Variants in DEPTOR observed in about 807,000 individuals in gnomAD.
The protein encoded by DEPTOR is DEP domain-containing mTOR-interacting protein.
A neutral mutation model predicts 41.6 loss-of-function variants in DEPTOR; 41 were observed. The observed-to-expected ratio is 0.98, with a 90% CI of 0.77 to 1.28. The LOEUF is 1.28. DEPTOR is among the 50% of genes most tolerant of loss of function. DEPTOR has a pLI of 0.00. For missense variants in DEPTOR, 514 were observed against 527.9 expected, an observed-to-expected ratio of 0.97 and a Z score of 0.26; for synonymous variants, 195 against 192.3, an observed-to-expected ratio of 1.01 and a Z score of -0.12.
At chr8:119,906,057 T>C (rs1827659382) in intron 1 of DEPTOR, among the ~76,000 whole-genome samples, 2 of 152,194 alleles carry the variant, frequency 1.3e-5, no homozygotes, top group South Asian at 4.1e-4. Flanking sequence ...CCTCCCAAAA[T>C]GCTGGGATTA....
chr8:119,977,315 T>G (rs1241318483), intron 4 of DEPTOR, among the ~76,000 whole-genome samples: 1 of 152,202 alleles, frequency 6.6e-6, no homozygotes, highest in Admixed American at 6.5e-5. Flanking sequence ...GTCTCTGTTT[T>G]TTTTAGATGA....
chr8:119,964,493 C>G (rs1480679045), intron 3 of DEPTOR, among the ~76,000 whole-genome samples: 1 of 119,180 alleles, frequency 8.4e-6, no homozygotes, highest in East Asian at 2.6e-4. Context: ...CCAGCCTGGG[C>G]AACAAGAGTG....
chr8:120,037,648 G>T (rs1195740886), intron 8 of DEPTOR, among the ~76,000 whole-genome samples: 1 of 152,144 alleles, frequency 6.6e-6, no homozygotes, highest in African/African-American at 2.4e-5. Context: ...ACGTCCTAAT[G>T]TCACTCTAGC....
intron 3 of DEPTOR, among the ~76,000 whole-genome samples, chr8:119,962,255 TCAAA>T (rs970968193): frequency 1.3e-4 from 20 of 152,066 alleles, no homozygotes; most frequent in Middle Eastern, 3.4e-3. Context: ...AGACTCTGTC[TCAAA>T]CAAAACAAAA....
At chr8:120,039,897 T>G (rs1201255407) in intron 8 of DEPTOR, among the ~76,000 whole-genome samples, 1 of 152,168 alleles carries the variant, frequency 6.6e-6, no homozygotes, top group African/African-American at 2.4e-5. Flanking sequence ...CAGGCTGGAG[T>G]GCAATGGCAC....
intron 3 of DEPTOR, among the ~76,000 whole-genome samples, chr8:119,937,492 T>C (rs1828128674): frequency 6.6e-6 from 1 of 152,214 alleles, no homozygotes. Context: ...AGAATGAATG[T>C]TCCCGGCCTT....
intron 4 of DEPTOR, among the ~76,000 whole-genome samples, chr8:119,985,034 G>T (rs1331429224): frequency 1.3e-5 from 2 of 151,932 alleles, no homozygotes; most frequent in East Asian, 1.9e-4. Flanking sequence ...TTAGCTGGGT[G>T]TAGTGGCAGG....
intron 1 of DEPTOR, among the ~76,000 whole-genome samples, chr8:119,911,906 A>C (rs565371279): frequency 6.6e-6 from 1 of 152,194 alleles, no homozygotes; most frequent in Non-Finnish European, 1.5e-5. Flanking sequence ...CCAAACCTTT[A>C]TACTCACGAA....
chr8:120,002,791 A>AAAAATATAT, intron 5 of DEPTOR, among the ~76,000 whole-genome samples, 186 bp from the exon 6 acceptor site: 6 of 60,670 alleles, frequency 9.9e-5, no homozygotes, highest in African/African-American at 3.8e-4. Flanking sequence ...AAAAAAAAAA[A>AAAAATATAT]ATATATATAT....
chr8:119,980,453 TTTTTCTTTTC>T (rs57896097), intron 4 of DEPTOR, among the ~76,000 whole-genome samples: 18,401 of 110,714 alleles, frequency 0.17, 1,798 homozygotes, highest in Middle Eastern at 0.23. Context: ...TCATTTTTCT[TTTTTCTTTTC>T]TTTTCTTTTC....
At chr8:119,918,371 G>A (rs1045327224) in intron 1 of DEPTOR, among the ~76,000 whole-genome samples, 1 of 152,140 alleles carries the variant, frequency 6.6e-6, no homozygotes, top group African/African-American at 2.4e-5. Context: ...CTCTGTATAG[G>A]AGTTAGGACT....
At chr8:119,909,719 T>G (rs1393185058) in intron 1 of DEPTOR, among the ~76,000 whole-genome samples, 1 of 152,276 alleles carries the variant, frequency 6.6e-6, no homozygotes, top group East Asian at 1.9e-4. Context: ...ACTTACAAAC[T>G]ATTCATAACC....
intron 8 of DEPTOR, among the ~76,000 whole-genome samples, chr8:120,015,862 C>T (rs1021280628): frequency 5.3e-5 from 8 of 152,094 alleles, no homozygotes; most frequent in Admixed American, 3.3e-4. Context: ...GCTTGCCCTC[C>T]CACCCTAGCC....
At chr8:120,001,460 G>A in intron 4 of DEPTOR, 65 bp from the exon 5 acceptor site, 1 of 1,438,866 alleles carries the variant, frequency 6.9e-7, no homozygotes, top group Admixed American at 2.1e-5. Context: ...CAGTCCTTTG[G>A]CTGTAGCGCT....
intron 3 of DEPTOR, among the ~76,000 whole-genome samples, chr8:119,959,321 C>T (rs1243640136): frequency 6.6e-6 from 1 of 151,802 alleles, no homozygotes; most frequent in East Asian, 1.9e-4. Flanking sequence ...CACCACCACG[C>T]CCAGCTAATT....
chr8:119,945,209 T>G (rs1301335290), intron 3 of DEPTOR, among the ~76,000 whole-genome samples: 1 of 152,228 alleles, frequency 6.6e-6, no homozygotes, highest in African/African-American at 2.4e-5. Flanking sequence ...AAGAAATCAA[T>G]AGGCAGTCCC....
At chr8:119,944,779 T>C (rs150041878) in intron 3 of DEPTOR, among the ~76,000 whole-genome samples, 2,713 of 151,664 alleles carry the variant, frequency 0.018, 74 homozygotes, top group African/African-American at 0.062. Context: ...CTCAGCCTCC[T>C]GAGTAGCTGG....
intron 8 of DEPTOR, among the ~76,000 whole-genome samples, chr8:120,014,412 T>C (rs535798346): frequency 1.3e-5 from 2 of 152,322 alleles, no homozygotes; most frequent in East Asian, 3.9e-4. Context: ...GCTCATTTAA[T>C]GTCAGCATCC....
chr8:119,983,410 A>T (rs904950175), intron 4 of DEPTOR, among the ~76,000 whole-genome samples: 1 of 151,948 alleles, frequency 6.6e-6, no homozygotes, highest in Admixed American at 6.6e-5. Context: ...TTTGAGACAG[A>T]GTCTCACACT....
Sources: gnomAD v4.1 joint callset for allele counts (sites outside exome capture counted in the v4.1 genomes callset) on GRCh38, gnomAD v4.1.1 for gene constraint, MANE v1.5 for transcripts, NCBI Gene and HGNC (gene_info 2026-07-23, HGNC 2026-07-21) for gene names.